Variants in F2 observed in about 807,000 individuals in gnomAD.
F2 encodes the protein coagulation factor II, thrombin.
Under a neutral mutation model 81.9 loss-of-function variants are expected in F2, and 34 were observed. That is an observed-to-expected ratio of 0.42 (90% CI 0.32 to 0.55). The LOEUF is 0.55. F2 is among the 20% of genes least tolerant of loss of function. F2 has a pLI of 0.18. For missense variants in F2, 630 were observed against 833.4 expected (o/e 0.76, Z 3.00); for synonymous variants, 296 against 326.4 (o/e 0.91, Z 1.01).
chr11:46,728,060 C>A lies in F2; in HGVS notation c.1195C>A (p.Arg399Ser). Residue 399 changes from arginine to serine, a missense_variant, in exon 10 of 14, where the codon CGC (arginine) becomes AGC (serine). Transcript: ENST00000311907. The surrounding 1 kb of genome is among the most constrained non-coding windows in gnomAD (Gnocchi z 5.1). ...GTGTGGGGCCAGCCTCATCAGTGAC[C>A]GCTGGGTCCTCACCGCCGCCCACTG... is the stretch of plus-strand genomic sequence containing the variant. ...LLCGASLISD[R>S]WVLTAAHCLL... 8 of 1,610,764 alleles carry A rather than the reference C, an allele frequency of 5.0e-6. No homozygotes were observed. Among genetic ancestry groups the A allele is most frequent in the Non-Finnish European group, 6.8e-6 (8 of 1,178,864 alleles).
chr11:46,727,985 G>T lies in F2; in HGVS notation c.1131-11G>T. On this transcript the variant is annotated splice_polypyrimidine_tract_variant and intron_variant, in intron 9 of 13. Coordinates refer to ENST00000311907, the MANE Select transcript of F2 (RefSeq NM_000506.5). Reference sequence around the variant, plus strand: ...TCCTCAGCTCCTAATGCTTCCTGCTGCCCCTCCCAGGCAGGTGATGCTTTT... The same window carrying T: ...TCCTCAGCTCCTAATGCTTCCTGCTTCCCCTCCCAGGCAGGTGATGCTTTT... The T allele has an allele frequency of 1.2e-6, 2 of 1,604,806 alleles. No individual in the cohort carries two copies. Among genetic ancestry groups the T allele is most frequent in the Non-Finnish European group, 1.7e-6 (2 of 1,176,714 alleles).
Position 46,728,622 on chromosome 11 carries a change from T to C in F2, c.1299-42T>C, listed in dbSNP as rs1263159316. 6.2e-7 allele frequency: 1 copy of C among 1,609,304 alleles called. No individual in the cohort carries two copies. Among genetic ancestry groups the C allele is most frequent in the Non-Finnish European group, 8.5e-7 (1 of 1,176,112 alleles). ...AGGCAGTTTCCTGCTCCTTGCTGGG[T>C]GAACCTGCAGCTTCTCCATTTCTTT... On this transcript the variant is annotated intron_variant, in intron 10 of 13. Transcript: ENST00000311907. This position sits in a 1 kb window ranked among gnomAD's most constrained non-coding sequence, Gnocchi z 5.1.
chr11:46,719,215 T>C lies in F2; in HGVS notation c.-21T>C. 1.2e-6 allele frequency: 2 copies of C among 1,613,618 alleles called. No homozygotes were observed. Among genetic ancestry groups the C allele is most frequent in the Non-Finnish European group, 1.7e-6 (2 of 1,179,916 alleles). Reference sequence around the variant, plus strand: ...GGGGTCAGGACAGACAATTCCTCAGTGACCCAGGAGCTGACACACTATGGC... The same window carrying C: ...GGGGTCAGGACAGACAATTCCTCAGCGACCCAGGAGCTGACACACTATGGC... On this transcript the variant is annotated 5_prime_UTR_variant, in exon 1 of 14. Coordinates refer to ENST00000311907, the MANE Select transcript of F2 (RefSeq NM_000506.5). The surrounding 1 kb of genome is among the most constrained non-coding windows in gnomAD (Gnocchi z 4.7).
At position 46,728,875 on chromosome 11, in the gene F2, C is replaced by G. The variant is rs2064893209; in HGVS notation, c.1472+38C>G. On this transcript the variant is annotated intron_variant, in intron 11 of 13. Coordinates refer to ENST00000311907, the MANE Select transcript of F2 (RefSeq NM_000506.5). This position sits in a 1 kb window ranked among gnomAD's most constrained non-coding sequence, Gnocchi z 5.1. ...ATGCTTGTTAGCTGAGGGGCAGAAG[C>G]CAAGTTCTGGGCCTGGCTCTGATAC... The G allele has an allele frequency of 1.9e-6, 3 of 1,609,410 alleles. No individual in the cohort carries two copies. In the East Asian group the frequency reaches 6.7e-5, roughly 36 times the overall value.
intron 12 of F2, among the ~76,000 whole-genome samples, chr11:46,730,249 G>A (rs1186428348): frequency 6.6e-6 from 1 of 152,122 alleles, no homozygotes; most frequent in African/African-American, 2.4e-5. Context: ...GCAGTGAGCT[G>A]AGATCGGGCA....
intron 12 of F2, among the ~76,000 whole-genome samples, chr11:46,731,069 A>G (rs1035555522): frequency 1.3e-5 from 2 of 151,982 alleles, no homozygotes; most frequent in African/African-American, 4.8e-5. Flanking sequence ...GGCATGTACT[A>G]CCATGCCTAG....
At position 46,726,170 on chromosome 11, in the gene F2, TGTG is replaced by T. The variant is rs2064871427; in HGVS notation, c.874+1_874+3del. ...CTTTGGGTACTGCGACCTCAACTATTGTGGTGAGCTGCCTGGGTAGGGGGCCTG... is the reference window on the plus strand; with the variant it reads ...CTTTGGGTACTGCGACCTCAACTATTGTGAGCTGCCTGGGTAGGGGGCCTG... On this transcript the variant is annotated stop_gained and inframe_deletion and splice_region_variant, in exon 7 of 14. Coordinates refer to ENST00000311907, the MANE Select transcript of F2 (RefSeq NM_000506.5). LOFTEE classifies it high-confidence loss of function. The surrounding 1 kb of genome is among the most constrained non-coding windows in gnomAD (Gnocchi z 5.9). The T allele has an allele frequency of 1.9e-6, 3 of 1,613,312 alleles. No homozygotes were observed. Among genetic ancestry groups the T allele is most frequent in the African/African-American group, 1.3e-5 (1 of 74,884 alleles).
At position 46,725,755 on chromosome 11, in the gene F2, G is replaced by T. The variant is rs1248319341; in HGVS notation, c.560-104G>T. On this transcript the variant is annotated intron_variant, in intron 6 of 13. Transcript: ENST00000311907. Reference sequence around the variant, plus strand: ...GCCCAGAGAGGTTAAGTAACCTGAGGTCACACAGGCAGAAAGCAGCAAGAC... The same window carrying T: ...GCCCAGAGAGGTTAAGTAACCTGAGTTCACACAGGCAGAAAGCAGCAAGAC... The T allele has an allele frequency of 3.5e-5, 46 of 1,318,330 alleles. 2 individuals are homozygous for T. The South Asian group carries it at 4.3e-4, about 12-fold the overall frequency. 81.7% of individuals were successfully genotyped at this position (1,318,330 alleles called of 1,614,324 possible). A position where few individuals can be genotyped will look rare whatever the true frequency, so the allele number is the denominator to read the frequency against.
At position 46,739,136 on chromosome 11, in the gene F2, C is replaced by G. The variant is rs769068468; in HGVS notation, c.1725+18C>G. The G allele has an allele frequency of 6.2e-7, 1 of 1,614,140 alleles. No homozygotes were observed. The highest frequency in any genetic ancestry group is 8.5e-7 in the Non-Finnish European group (1 of 1,180,014). On this transcript the variant is annotated intron_variant, in intron 13 of 13. Transcript: ENST00000311907. ...TCATGAAGGTAAGCTTCTCTAAAGC[C>G]CAGGGCCTGGTGAACACATCTTCTG... is the stretch of plus-strand genomic sequence containing the variant.
At chr11:46,736,950 G>A (rs3136501) in intron 12 of F2, among the ~76,000 whole-genome samples, 1 of 152,068 alleles carries the variant, frequency 6.6e-6, no homozygotes, top group Non-Finnish European at 1.5e-5. Context: ...GATAAGAAAC[G>A]TTTTCCTATT....
In F2 at chr11:46,723,282, CTGAG is replaced by C; in HGVS notation, c.422+6_422+9del. The stretch of plus-strand genomic sequence containing the variant: ...TGGAGGAGTCGCTACCCACATAAGC[CTGAG>C]TGAGTGAGGGGCCGGCCTTCCCACC... On this transcript the variant is annotated splice_donor_variant and coding_sequence_variant, in exon 5 of 14. Transcript: ENST00000311907. LOFTEE classifies it high-confidence loss of function. The surrounding 1 kb of genome is among the most constrained non-coding windows in gnomAD (Gnocchi z 5.6). 1 of 1,613,966 alleles carries C rather than the reference CTGAG, an allele frequency of 6.2e-7. No homozygotes were observed. The highest frequency in any genetic ancestry group is 1.3e-5 in the African/African-American group (1 of 74,910).
chr11:46,728,241 C>T lies in F2; in HGVS notation c.1298+78C>T, dbSNP rs996458332. Reference sequence around the variant, plus strand: ...CGATCATGAGGGGCCCTGGTGGCTCCGGGACACATAGGATGTTCTGTATAC... The same window carrying T: ...CGATCATGAGGGGCCCTGGTGGCTCTGGGACACATAGGATGTTCTGTATAC... On this transcript the variant is annotated intron_variant, in intron 10 of 13. Transcript: ENST00000311907. The surrounding 1 kb of genome is among the most constrained non-coding windows in gnomAD (Gnocchi z 5.1). The T allele has an allele frequency of 3.4e-5, 49 of 1,449,376 alleles. No individual in the cohort carries two copies. Among genetic ancestry groups the T allele is most frequent in the Non-Finnish European group, 4.6e-5 (48 of 1,052,688 alleles). 89.8% of individuals were successfully genotyped at this position (1,449,376 alleles called of 1,614,324 possible). A position where few individuals can be genotyped will look rare whatever the true frequency, so the allele number is the denominator to read the frequency against.
intron 6 of F2, 128 bp from the exon 7 acceptor site, chr11:46,725,730 GC>G (rs2064867341): frequency 9.4e-6 from 10 of 1,064,498 alleles, no homozygotes; most frequent in Non-Finnish European, 1.0e-5. Context: ...ACGGTCAGAA[GC>G]CCAGAGAGGT....
chr11:46,728,797 A>G lies in F2; in HGVS notation c.1432A>G (p.Ile478Val). ...LKKPVAFSDY[I>V]HPVCLPDRET... ...GAAGCCTGTTGCCTTCAGTGACTACATTCACCCTGTGTGTCTGCCCGACAG... is the reference window on the plus strand; with the variant it reads ...GAAGCCTGTTGCCTTCAGTGACTACGTTCACCCTGTGTGTCTGCCCGACAG... Residue 478 changes from isoleucine to valine, a missense_variant, in exon 11 of 14, where the codon ATT becomes GTT. By Grantham distance (29) the Ile-to-Val change is conservative. Transcript: ENST00000311907. The surrounding 1 kb of genome is among the most constrained non-coding windows in gnomAD (Gnocchi z 5.1). 2 of 1,614,150 alleles carry G rather than the reference A, an allele frequency of 1.2e-6. No homozygotes were observed. The highest frequency in any genetic ancestry group is 2.2e-5 in the East Asian group (1 of 44,882).
chr11:46,720,582 G>A (rs1462678721), intron 3 of F2, 35 bp downstream of exon 3: 1 of 1,612,930 alleles, frequency 6.2e-7, no homozygotes, highest in African/African-American at 1.3e-5. Context: ...CAGGAAGGGA[G>A]GCCTGGGGAC....
At chr11:46,734,767 T>C (rs2064934352) in intron 12 of F2, among the ~76,000 whole-genome samples, 1 of 152,120 alleles carries the variant, frequency 6.6e-6, no homozygotes, top group Non-Finnish European at 1.5e-5. Flanking sequence ...GCAGAGATCG[T>C]GCCGCTGCAC....
At position 46,723,552 on chromosome 11, in the gene F2, A is replaced by G. The variant is rs1352688776; in HGVS notation, c.559+34A>G. ...GGGGCAGTGGGGCGGCCCATGGCCA[A>G]GGCCCGGGGGCTTCATGGGGCCTGG... On this transcript the variant is annotated intron_variant, in intron 6 of 13. Transcript: ENST00000311907. This position sits in a 1 kb window ranked among gnomAD's most constrained non-coding sequence, Gnocchi z 5.6. The G allele has an allele frequency of 1.3e-6, 2 of 1,586,314 alleles. No homozygotes were observed. The highest frequency in any genetic ancestry group is 1.7e-6 in the Non-Finnish European group (2 of 1,165,060).
intron 4 of F2, among the ~76,000 whole-genome samples, chr11:46,721,791 A>G (rs1006569641): frequency 6.6e-6 from 1 of 151,968 alleles, no homozygotes; most frequent in Admixed American, 6.5e-5. Flanking sequence ...CAGTCTCCCA[A>G]AGGAGTAGGA....
At chr11:46,731,912 G>GTTTTTT (rs71042616) in intron 12 of F2, among the ~76,000 whole-genome samples, 40 of 88,158 alleles carry the variant, frequency 4.5e-4, no homozygotes, top group Admixed American at 1.0e-3. Flanking sequence ...ACACTTTGAT[G>GTTTTTT]TTTTTTTTTT....
Sources: allele counts gnomAD v4.1 joint callset (sites outside exome capture counted in the v4.1 genomes callset), GRCh38; gene constraint gnomAD v4.1.1; non-coding constraint Gnocchi (gnomAD v3.1); transcripts MANE v1.5; gene names NCBI Gene and HGNC (gene_info 2026-07-23, HGNC 2026-07-21).